The following UBE2J1 variants were observed in gnomAD, a reference collection of about 807,000 sequenced individuals.
UBE2J1 encodes the protein ubiquitin-conjugating enzyme E2 J1.
UBE2J1 carries 17 observed loss-of-function variants against 42.1 expected under a neutral mutation model. That is an observed-to-expected ratio of 0.40 (90% CI 0.28 to 0.61). UBE2J1 has a LOEUF of 0.61. Ranked by LOEUF, UBE2J1 falls within the 20% of genes least tolerant of loss-of-function variation. The pLI, the probability that UBE2J1 is intolerant of heterozygous loss-of-function variation, is 0.38. For missense variants in UBE2J1, 291 were observed against 389.4 expected (o/e 0.75, Z 2.13); for synonymous variants, 127 against 137.2 (o/e 0.93, Z 0.52).
chr6:89,327,069 ATTTT>A lies in UBE2J1; in HGVS notation c.*2606_*2609del, dbSNP rs1055118525. ...AAAAAAGTTGAGAATCTTGAAATTC[ATTTT>A]TTTCAGTAGAATAAAACAATAAGCA... On this transcript the variant is annotated 3_prime_UTR_variant, in exon 8 of 8. Coordinates refer to ENST00000435041, the MANE Select transcript of UBE2J1 (RefSeq NM_016021.3). 3 of 152,638 alleles carry A rather than the reference ATTTT, an allele frequency of 2.0e-5. No homozygotes were observed. Among genetic ancestry groups the A allele is most frequent in the African/African-American group, 7.2e-5 (3 of 41,452 alleles). The allele number at this position is 152,638 out of a possible 1,614,324, so 9.5% of individuals were successfully genotyped here.
intron 1 of UBE2J1, among the ~76,000 whole-genome samples, chr6:89,346,807 C>T (rs1181322223): frequency 1.3e-5 from 2 of 152,180 alleles, no homozygotes; most frequent in South Asian, 2.1e-4. Context: ...TCTATGCCAT[C>T]ATAACACTGT....
rs1456498649 is a variant in UBE2J1, at chr6:89,346,338, A to AG, written c.32-2583_32-2582insC. Among the ~76,000 whole-genome samples, 10 of 152,334 alleles carry AG rather than the reference A, an allele frequency of 6.6e-5. No individual in the cohort carries two copies. In the East Asian group the frequency reaches 1.9e-3, roughly 29 times the overall value. On this transcript the variant is annotated intron_variant, in intron 1 of 7. Coordinates refer to ENST00000435041, the MANE Select transcript of UBE2J1 (RefSeq NM_016021.3). ...TGCTACAGCTTCATGCGTAAACAAA[A>AG]TATGGCTTTGGTCACTAAAGACTGA... is the stretch of plus-strand genomic sequence containing the variant.
intron 6 of UBE2J1, 53 bp downstream of exon 6, chr6:89,335,249 A>T: frequency 6.7e-7 from 1 of 1,490,222 alleles, no homozygotes; most frequent in Middle Eastern, 1.8e-4. Flanking sequence ...TGCAGAATCC[A>T]GCAGTAAACA....
chr6:89,339,679 C>T (rs1417013097), intron 3 of UBE2J1, among the ~76,000 whole-genome samples: 5 of 35,046 alleles, frequency 1.4e-4, no homozygotes, highest in African/African-American at 5.4e-4. Flanking sequence ...TTACTAATGT[C>T]CTACCCTGTG....
At chr6:89,331,521 T>C (rs1768008052) in intron 7 of UBE2J1, among the ~76,000 whole-genome samples, 2 of 152,204 alleles carry the variant, frequency 1.3e-5, no homozygotes, top group Non-Finnish European at 2.9e-5. Flanking sequence ...ATTCATTCAT[T>C]CAATCAACAA....
At chr6:89,344,367 C>T (rs957846997) in intron 1 of UBE2J1, among the ~76,000 whole-genome samples, 2 of 152,128 alleles carry the variant, frequency 1.3e-5, no homozygotes, top group Non-Finnish European at 2.9e-5. Flanking sequence ...TCCAAAGCCC[C>T]GATGAAATTC....
At chr6:89,338,657 GTTTTTTTTTTTTTTTTT>G (rs11300340) in intron 3 of UBE2J1, 114 bp from the exon 4 acceptor site, 1 of 102,410 alleles carries the variant, frequency 9.8e-6, no homozygotes, top group Non-Finnish European at 1.8e-5. Context: ...TAAAAAGTTT[GTTTTTTTTTTTTTTTTT>G]TTTTTTTTTG....
chr6:89,332,628 T>C (rs1173097371), intron 7 of UBE2J1, among the ~76,000 whole-genome samples: 1 of 152,214 alleles, frequency 6.6e-6, no homozygotes, highest in Non-Finnish European at 1.5e-5. Context: ...TTTGATTAAA[T>C]TTAAATGTAG....
At chr6:89,349,408 T>C (rs1768423418) in intron 1 of UBE2J1, among the ~76,000 whole-genome samples, 1 of 152,170 alleles carries the variant, frequency 6.6e-6, no homozygotes, top group East Asian at 1.9e-4. Flanking sequence ...TTTGTTTTGA[T>C]TGATCTGGTG....
In UBE2J1 at chr6:89,340,176, A is replaced by AAAT. The variant is rs1768217371; in HGVS notation, c.238-1636_238-1634dup. Among the ~76,000 whole-genome samples the AAAT allele has an allele frequency of 1.3e-5, 2 of 151,974 alleles. 1 individual carries two copies. The highest frequency in any genetic ancestry group is 4.1e-4 in the South Asian group (2 of 4,838). The stretch of plus-strand genomic sequence containing the variant: ...TCAGAGGAGTGATGAATGAAAGGAT[A>AAAT]AATAAATACTTATTGAATGAAAGTT... On this transcript the variant is annotated intron_variant, in intron 3 of 7. Coordinates refer to ENST00000435041, the MANE Select transcript of UBE2J1 (RefSeq NM_016021.3).
At chr6:89,343,317 C>T (rs1162844390) in intron 2 of UBE2J1, among the ~76,000 whole-genome samples, 1 of 151,650 alleles carries the variant, frequency 6.6e-6, no homozygotes, top group Non-Finnish European at 1.5e-5. Flanking sequence ...GGCCTGTAAT[C>T]CCAGCTATTC....
At chr6:89,335,484 C>G in intron 5 of UBE2J1, 53 bp from the exon 6 acceptor site, 1 of 1,385,298 alleles carries the variant, frequency 7.2e-7, no homozygotes, top group Non-Finnish European at 9.7e-7. Context: ...GTTTAATTCC[C>G]TCTCACTGAG....
At chr6:89,343,078 C>A (rs1447050095) in intron 2 of UBE2J1, among the ~76,000 whole-genome samples, 1 of 152,088 alleles carries the variant, frequency 6.6e-6, no homozygotes, top group Non-Finnish European at 1.5e-5. Flanking sequence ...CTACGGAGAC[C>A]CATCAAAAGG....
intron 5 of UBE2J1, among the ~76,000 whole-genome samples, chr6:89,337,466 T>G (rs1002263319): frequency 6.6e-6 from 1 of 152,136 alleles, no homozygotes; most frequent in Non-Finnish European, 1.5e-5. Context: ...TCTAACTGAT[T>G]TAGCAAATAT....
At chr6:89,336,986 C>A (rs766835929) in intron 5 of UBE2J1, among the ~76,000 whole-genome samples, 22 of 151,982 alleles carry the variant, frequency 1.4e-4, no homozygotes, top group African/African-American at 4.8e-4. Context: ...ACTACAGGCA[C>A]GTGCCACCAC....
At chr6:89,342,261 C>T in intron 3 of UBE2J1, 63 bp downstream of exon 3, 1 of 1,566,896 alleles carries the variant, frequency 6.4e-7, no homozygotes, top group Non-Finnish European at 8.8e-7. Flanking sequence ...GATTTGCTTA[C>T]TATATTTTGC....
intron 6 of UBE2J1, among the ~76,000 whole-genome samples, chr6:89,334,581 C>T (rs564839550): frequency 1.3e-5 from 2 of 151,608 alleles, no homozygotes; most frequent in African/African-American, 2.4e-5. Context: ...AAGCAATTCT[C>T]CTGCCTCAGC....
chr6:89,328,499 C>T lies in UBE2J1; in HGVS notation c.*1180G>A, dbSNP rs1243075231. The T allele has an allele frequency of 6.6e-6, 1 of 152,170 alleles. No homozygotes were observed. The highest frequency in any genetic ancestry group is 1.5e-5 in the Non-Finnish European group (1 of 68,030). The allele number at this position is 152,170 out of a possible 1,614,324, so 9.4% of individuals were successfully genotyped here. A position where few individuals can be genotyped will look rare whatever the true frequency, so the allele number is the denominator to read the frequency against. On this transcript the variant is annotated 3_prime_UTR_variant, in exon 8 of 8. Coordinates refer to ENST00000435041, the MANE Select transcript of UBE2J1 (RefSeq NM_016021.3). ...AACCACCTGTATTTAAAAATTAAAT[C>T]TTCATTAACAACACCCTCAAGAGTG...
intron 3 of UBE2J1, among the ~76,000 whole-genome samples, chr6:89,338,812 C>T (rs1320917970): frequency 1.3e-5 from 2 of 151,472 alleles, no homozygotes; most frequent in Non-Finnish European, 2.9e-5. Flanking sequence ...ACTACAGGCG[C>T]CTGCCACCAG....
Sources: gnomAD v4.1 joint callset for allele counts (sites outside exome capture counted in the v4.1 genomes callset) on GRCh38, gnomAD v4.1.1 for gene constraint, MANE v1.5 for transcripts, NCBI Gene and HGNC (gene_info 2026-07-23, HGNC 2026-07-21) for gene names.